The following FMO2 variants were observed in gnomAD, a reference collection of about 807,000 sequenced individuals.
FMO2 encodes the protein flavin-containing monooxygenase 2.
In FMO2, 33 loss-of-function variants were observed where a neutral mutation model predicts 41.6. That is an observed-to-expected ratio of 0.79 (90% CI 0.60 to 1.06). The LOEUF (loss-of-function observed/expected upper bound fraction) is 1.06. Among genes scored for constraint, FMO2 ranks in the 50% least tolerant of loss-of-function variants. FMO2 has a pLI of 0.00. For synonymous variants in FMO2, 214 were observed against 219.6 expected (o/e 0.97, Z 0.23); for missense variants, 619 against 632.9 (o/e 0.98, Z 0.23).
intron 2 of FMO2, among the ~76,000 whole-genome samples, chr1:171,189,951 A>G (rs549070546): frequency 2.6e-4 from 39 of 152,310 alleles, no homozygotes; most frequent in Middle Eastern, 3.4e-3. Flanking sequence ...CGAAAGAGTG[A>G]AATGATAGAA....
rs1227101778 is a variant in FMO2, at chr1:171,185,848, A to G, written c.132+3A>G. 3.7e-6 allele frequency: 6 copies of G among 1,613,590 alleles called. No individual in the cohort carries two copies. The highest frequency in any genetic ancestry group is 1.1e-5 in the South Asian group (1 of 91,042). On this transcript the variant is annotated splice_donor_region_variant and intron_variant, in intron 2 of 8. Transcript: ENST00000209929. ...TTGGAGGAGTGTGGAGGTTCAAAGT[A>G]AGTGAGATTTTCTTGGGTCTTGAAC...
intron 3 of FMO2, among the ~76,000 whole-genome samples, chr1:171,195,472 G>A (rs1484609015): frequency 6.6e-6 from 1 of 152,180 alleles, no homozygotes; most frequent in Non-Finnish European, 1.5e-5. Context: ...ACAGCACTTA[G>A]TTAATATACT....
chr1:171,202,886 A>G (rs1336298660), intron 5 of FMO2, among the ~76,000 whole-genome samples: 1 of 152,182 alleles, frequency 6.6e-6, no homozygotes, highest in Non-Finnish European at 1.5e-5. Context: ...CCAATGGGGG[A>G]GTAACAGCAA....
chr1:171,195,779 C>T (rs1467213555), intron 3 of FMO2, among the ~76,000 whole-genome samples: 1 of 145,170 alleles, frequency 6.9e-6, no homozygotes, highest in Non-Finnish European at 1.5e-5. Context: ...ATTAACAGAC[C>T]TCCAGTGAGC....
intron 2 of FMO2, among the ~76,000 whole-genome samples, chr1:171,189,548 G>A (rs1657988876): frequency 6.6e-6 from 1 of 152,014 alleles, no homozygotes; most frequent in Admixed American, 6.6e-5. Context: ...AATGAAAGAT[G>A]ACAGAAGATA....
rs377217235 is a variant in FMO2 at position 171,185,837 on chromosome 1, A to G, written c.124A>G (p.Arg42Gly). The change falls in exon 2 of 9, where the codon AGG becomes GGG. Residue 42 changes from arginine to glycine, a missense_variant. Coordinates refer to ENST00000209929, the MANE Select transcript of FMO2 (RefSeq NM_001460.5). ...ERTEDIGGVWRFKENVEDGRA... is the reference protein window; with the variant it reads ...ERTEDIGGVWGFKENVEDGRA... Reference sequence around the variant, plus strand: ...AACTGAAGATATTGGAGGAGTGTGGAGGTTCAAAGTAAGTGAGATTTTCTT... The same window carrying G: ...AACTGAAGATATTGGAGGAGTGTGGGGGTTCAAAGTAAGTGAGATTTTCTT... 1.2e-5 allele frequency: 19 copies of G among 1,613,606 alleles called. No homozygotes were observed. The highest frequency in any genetic ancestry group is 1.2e-4 in the Admixed American group (7 of 59,994).
rs1211550015 is a variant in FMO2, at chr1:171,203,900, G to A, written c.663G>A (p.Met221Ile). 11 of 1,613,574 alleles carry A rather than the reference G, an allele frequency of 6.8e-6. No homozygotes were observed. The highest frequency in any genetic ancestry group is 1.1e-5 in the South Asian group (1 of 91,074). Residue 221 changes from methionine (M) to isoleucine (I), a missense_variant, in exon 6 of 9, where the codon ATG becomes ATA. By Grantham distance (10) the Met-to-Ile change is conservative (BLOSUM62 1). Transcript: ENST00000209929. ...FISTRHGTWVMSRISEDGYPW... is the reference protein window; with the variant it reads ...FISTRHGTWVISRISEDGYPW... Reference sequence around the variant, plus strand: ...GCACCAGGCATGGCACCTGGGTCATGAGCCGTATCTCTGAAGATGGCTATC... The same window carrying A: ...GCACCAGGCATGGCACCTGGGTCATAAGCCGTATCTCTGAAGATGGCTATC...
At chr1:171,188,575 T>A (rs1018715610) in intron 2 of FMO2, among the ~76,000 whole-genome samples, 12 of 152,186 alleles carry the variant, frequency 7.9e-5, no homozygotes, top group African/African-American at 2.9e-4. Flanking sequence ...ACTACGGCTA[T>A]GTGAGGGTTT....
chr1:171,199,512 G>A, intron 5 of FMO2, 24 bp downstream of exon 5: 1 of 1,569,298 alleles, frequency 6.4e-7, no homozygotes, highest in Non-Finnish European at 8.6e-7. Context: ...TGCTTACCAT[G>A]TACCTGGAGG....
Position 171,196,705 on chromosome 1 carries a change from G to T in FMO2, c.378G>T (p.Lys126Asn). 1 of 1,613,576 alleles carries T rather than the reference G, an allele frequency of 6.2e-7. No individual in the cohort carries two copies. The highest frequency in any genetic ancestry group is 8.5e-7 in the Non-Finnish European group (1 of 1,179,882). The change falls in exon 4 of 9, where the codon AAG (lysine) becomes AAT (asparagine). Residue 126 changes from lysine to asparagine, a missense_variant. Physicochemically the swap from Lys to Asn is moderately conservative, Grantham distance 94 (BLOSUM62 0). Transcript: ENST00000209929. ...CPDFSSSGQW[K>N]VVTQSNGKEQ... Reference sequence around the variant, plus strand: ...ATTTCTCATCCTCTGGCCAATGGAAGGTTGTCACTCAGAGCAACGGCAAGG... The same window carrying T: ...ATTTCTCATCCTCTGGCCAATGGAATGTTGTCACTCAGAGCAACGGCAAGG...
At chr1:171,188,377 T>C (rs1385001943) in intron 2 of FMO2, among the ~76,000 whole-genome samples, 1 of 152,232 alleles carries the variant, frequency 6.6e-6, no homozygotes, top group African/African-American at 2.4e-5. Flanking sequence ...TTAATTAGGC[T>C]TTATTGAATA....
At chr1:171,197,420 A>G (rs1271515119) in intron 4 of FMO2, among the ~76,000 whole-genome samples, 1 of 152,168 alleles carries the variant, frequency 6.6e-6, no homozygotes, top group African/African-American at 2.4e-5. Context: ...TTCAAACACT[A>G]TGGAGTAGGG....
rs1392866676 is a variant in FMO2, at chr1:171,210,986, GA to G, written c.*1842del. On this transcript the variant is annotated 3_prime_UTR_variant, in exon 9 of 9. Transcript: ENST00000209929. ...AAGTTACACCAGAATTTACAGGCAA[GA>G]TTTTTTTTTTCATTGCTCCCATAAG... 4 of 151,924 alleles carry G rather than the reference GA, an allele frequency of 2.6e-5. No homozygotes were observed. The highest frequency in any genetic ancestry group is 5.9e-5 in the Non-Finnish European group (4 of 68,012). 9.4% of individuals were successfully genotyped at this position (151,924 alleles called of 1,614,324 possible). A position where few individuals can be genotyped will look rare whatever the true frequency, so the allele number is the denominator to read the frequency against.
chr1:171,185,937 A>C, intron 2 of FMO2, 92 bp downstream of exon 2: 2 of 1,268,074 alleles, frequency 1.6e-6, no homozygotes, highest in African/African-American at 1.5e-5. Context: ...AAATTTATTA[A>C]ACAACTCTGA....
intron 5 of FMO2, 89 bp downstream of exon 5, chr1:171,199,577 A>C (rs927554958): frequency 1.5e-6 from 2 of 1,295,918 alleles, no homozygotes; most frequent in Admixed American, 2.4e-5. Flanking sequence ...CGCGGCTCCA[A>C]TCCTCATTAA....
intron 4 of FMO2, among the ~76,000 whole-genome samples, chr1:171,197,583 G>A (rs1398460762): frequency 3.9e-5 from 6 of 152,198 alleles, no homozygotes. Context: ...GATTCAATAG[G>A]TGCTATGGCT....
At chr1:171,195,722 C>T (rs1658279875) in intron 3 of FMO2, among the ~76,000 whole-genome samples, 1 of 152,148 alleles carries the variant, frequency 6.6e-6, no homozygotes, top group African/African-American at 2.4e-5. Flanking sequence ...CACTTGACAT[C>T]GTTTCTTAAT....
chr1:171,195,199 G>A (rs1327890942), intron 3 of FMO2, among the ~76,000 whole-genome samples: 2 of 152,208 alleles, frequency 1.3e-5, no homozygotes, highest in African/African-American at 2.4e-5. Flanking sequence ...TGGTCTCTGA[G>A]TTGGTGTAAG....
chr1:171,205,346 G>A lies in FMO2; in HGVS notation c.895G>A (p.Val299Met). The change falls in exon 7 of 9, where the codon GTG (valine) becomes ATG (methionine). Residue 299 changes from valine (V) to methionine (M), a missense_variant. Physicochemically the swap from Val to Met is conservative, Grantham distance 21 (BLOSUM62 1). Transcript: ENST00000209929. ...PSRLLCGAIK[V>M]KSTVKELTET... ...TCGTCTACTCTGTGGAGCCATCAAG[G>A]TGAAATCTACAGTGAAAGAGCTCAC... The A allele has an allele frequency of 6.2e-7, 1 of 1,613,846 alleles. No individual in the cohort carries two copies. The highest frequency in any genetic ancestry group is 8.5e-7 in the Non-Finnish European group (1 of 1,179,862).
Sources: gnomAD v4.1 joint callset for allele counts (sites outside exome capture counted in the v4.1 genomes callset) on GRCh38, gnomAD v4.1.1 for gene constraint, MANE v1.5 for transcripts, NCBI Gene and HGNC (gene_info 2026-07-23, HGNC 2026-07-21) for gene names.